The following SLC12A9 variants were observed in gnomAD, a reference collection of about 807,000 sequenced individuals.
The protein encoded by SLC12A9 is CCC-interacting protein 1.
Under a neutral mutation model 66.0 loss-of-function variants are expected in SLC12A9, and 55 were observed. The ratio of observed to expected loss-of-function variants is 0.83; its 90% CI spans 0.67 to 1.04. The LOEUF (loss-of-function observed/expected upper bound fraction) is 1.04. Ranked by LOEUF, SLC12A9 falls within the 50% of genes least tolerant of loss-of-function variation. SLC12A9 has a pLI of 0.00. For synonymous variants in SLC12A9, 577 were observed against 569.0 expected (o/e 1.01, Z -0.20); for missense variants, 1,061 against 1,241.9 (o/e 0.85, Z 2.19).
rs1815075910 is a variant in SLC12A9, at chr7:100,866,171, T to TGCCTGGGGCCTCGGGAGGC, written c.2321_2339dup (p.Ala781SerfsTer23). On this transcript the variant is annotated frameshift_variant, in exon 14 of 14. Transcript: ENST00000354161. LOFTEE classifies it high-confidence loss of function. This position sits in a 1 kb window ranked among gnomAD's most constrained non-coding sequence, Gnocchi z 7.3. ...TAGCGCCCGGCTCCGGATCTTCCTG[T>TGCCTGGGGCCTCGGGAGGC]GCCTGGGGCCTCGGGAGGCGCCTGG... The TGCCTGGGGCCTCGGGAGGC allele has an allele frequency of 6.2e-7, 1 of 1,611,566 alleles. No individual in the cohort carries two copies. Among genetic ancestry groups the TGCCTGGGGCCTCGGGAGGC allele is most frequent in the African/African-American group, 1.3e-5 (1 of 74,898 alleles).
rs753554861 is a variant in SLC12A9, at chr7:100,827,082, C to G, written n.228+35C>G. 3.2e-6 allele frequency: 5 copies of G among 1,544,630 alleles called. No individual in the cohort carries two copies. In the African/African-American group the frequency reaches 6.9e-5, roughly 21 times the overall value. On this transcript the variant is annotated intron_variant and non_coding_transcript_variant, in intron 1 of 1. Transcript: ENST00000461016. ...GAACTGAGTTTGGGGGGCCCTCGCC[C>G]CCCCAGGTCTGACTCTCCCTGGGCG...
intron 1 of SLC12A9, among the ~76,000 whole-genome samples, chr7:100,839,984 T>G (rs1387144242): frequency 1.3e-5 from 2 of 152,172 alleles, no homozygotes; most frequent in Non-Finnish European, 2.9e-5. Context: ...CCCACTGCAT[T>G]TAAGTGGAAG....
intron 1 of SLC12A9, among the ~76,000 whole-genome samples, chr7:100,844,712 A>G (rs1468409447): frequency 1.3e-5 from 2 of 152,134 alleles, no homozygotes; most frequent in African/African-American, 2.4e-5. Flanking sequence ...AGTAATAACC[A>G]ATCCCCTTGA....
At chr7:100,848,083 C>CAA (rs36071720), upstream of SLC12A9, among the ~76,000 whole-genome samples, 1,859 of 43,330 alleles carry the variant, frequency 0.043, 277 homozygotes, top group East Asian at 0.45. Context: ...GACTCCATCT[C>CAA]AAAAAAAAAA....
At chr7:100,837,029 C>T (rs565154197) in intron 1 of SLC12A9, among the ~76,000 whole-genome samples, 1 of 152,286 alleles carries the variant, frequency 6.6e-6, no homozygotes, top group African/African-American at 2.4e-5. Context: ...ACTCTGAGGT[C>T]ACCTAATAGG....
At chr7:100,851,403 ATAAC>A (rs143402030), upstream of SLC12A9, among the ~76,000 whole-genome samples, 263 of 151,956 alleles carry the variant, frequency 1.7e-3, no homozygotes, top group African/African-American at 6.1e-3. Flanking sequence ...GGGAGTGCTT[ATAAC>A]TAACTGACCC....
intron 9 of SLC12A9, 186 bp downstream of exon 9, chr7:100,860,418 G>A: frequency 3.1e-6 from 2 of 635,850 alleles, no homozygotes; most frequent in Non-Finnish European, 5.4e-6. Context: ...TTGCCCCAGT[G>A]CTTTGCAGAG....
Position 100,833,880 on chromosome 7 carries a change from C to G in SLC12A9, n.228+6833C>G, listed in dbSNP as rs1183414882. Among the ~76,000 whole-genome samples, 4 of 145,072 alleles carry G rather than the reference C, an allele frequency of 2.8e-5. No homozygotes were observed. The Admixed American group carries it at 2.8e-4, about 10-fold the overall frequency. ...CCCGGGAGGCGGAGCTTGCAGTGAA[C>G]CCAGATCACGCCACTGCACTCCAGC... On this transcript the variant is annotated intron_variant and non_coding_transcript_variant, in intron 1 of 1. Coordinates refer to the SLC12A9 transcript ENST00000461016.
chr7:100,828,571 A>G (rs1813476013), intron 1 of SLC12A9, among the ~76,000 whole-genome samples: 1 of 149,660 alleles, frequency 6.7e-6, no homozygotes, highest in African/African-American at 2.5e-5. Context: ...AAAAAAAAAA[A>G]AAAAGGTGGG....
In SLC12A9 at chr7:100,858,870, A is replaced by G; in HGVS notation, c.793A>G (p.Met265Val). 1.2e-6 allele frequency: 2 copies of G among 1,614,200 alleles called. No homozygotes were observed. The highest frequency in any genetic ancestry group is 1.7e-6 in the Non-Finnish European group (2 of 1,180,024). ...TGAGGACTACACCACGGGAGCCGTG[A>G]TGAATTTTGCCAGCGTCTTTGCTGT... ...YAEDYTTGAV[M>V]NFASVFAVLF... The change falls in exon 6 of 14, where the codon ATG becomes GTG. Residue 265 changes from methionine (M) to valine (V), a missense_variant. By Grantham distance (21) the Met-to-Val change is conservative (BLOSUM62 1). Transcript: ENST00000354161.
At chr7:100,829,896 C>T (rs1562978308) in intron 1 of SLC12A9, among the ~76,000 whole-genome samples, 1 of 151,546 alleles carries the variant, frequency 6.6e-6, no homozygotes, top group East Asian at 1.9e-4. Flanking sequence ...GGCATCATGG[C>T]ACACACCTGT....
upstream of SLC12A9, among the ~76,000 whole-genome samples, chr7:100,851,555 C>G (rs943588716): frequency 3.3e-5 from 5 of 151,056 alleles, no homozygotes; most frequent in Non-Finnish European, 7.4e-5. Context: ...TCCTAAGTAG[C>G]TGGGACTGCA....
chr7:100,835,089 C>T (rs1813623129), intron 1 of SLC12A9, among the ~76,000 whole-genome samples: 2 of 152,200 alleles, frequency 1.3e-5, no homozygotes, highest in Admixed American at 1.3e-4. Flanking sequence ...GGTGCAGTGG[C>T]TCACGCCTGT....
intron 13 of SLC12A9, 123 bp downstream of exon 13, chr7:100,862,950 G>A: frequency 1.7e-6 from 2 of 1,178,492 alleles, no homozygotes; most frequent in Non-Finnish European, 1.2e-6. Flanking sequence ...GTCGAGAGGA[G>A]ATAAGACAGT....
rs765489934 is a variant in SLC12A9, at chr7:100,861,210, G to A, written c.1291G>A (p.Ala431Thr). 3.7e-6 allele frequency: 6 copies of A among 1,614,230 alleles called. No homozygotes were observed. The highest frequency in any genetic ancestry group is 4.2e-6 in the Non-Finnish European group (5 of 1,180,040). The stretch of plus-strand genomic sequence containing the variant: ...TGTCTTCTACCTGGTGGCCTATGCT[G>A]CCGTGGACCTGTCCTGCCTGAGCCT... ...VTVFYLVAYA[A>T]VDLSCLSLEW... Residue 431 changes from alanine (A) to threonine (T), a missense_variant, in exon 10 of 14, where the codon GCC becomes ACC. Ala to Thr is a moderately conservative substitution (Grantham distance 58). Coordinates refer to ENST00000354161, the MANE Select transcript of SLC12A9 (RefSeq NM_020246.4). The surrounding 1 kb of genome is among the most constrained non-coding windows in gnomAD (Gnocchi z 5.3).
chr7:100,857,976 G>A (rs1814496141), intron 5 of SLC12A9: 1 of 151,788 alleles, frequency 6.6e-6, no homozygotes, highest in African/African-American at 2.4e-5. Context: ...ATTAGCCAGG[G>A]GTGGTGGTGC....
chr7:100,830,054 A>C (rs1813512414), intron 1 of SLC12A9, among the ~76,000 whole-genome samples: 1 of 150,684 alleles, frequency 6.6e-6, no homozygotes, highest in Non-Finnish European at 1.5e-5. Flanking sequence ...TAAATAAATA[A>C]GTAAATAAAT....
Position 100,854,666 on chromosome 7 carries a change from G to A in SLC12A9, c.228G>A (p.Leu76=). ...GGCTACTGCAGGCCCTGGCCATGCT[G>A]CTGGTTGCCTACTTCATCCTGGCAC... ...HAGLLQALAM[L]LVAYFILALT... is the part of the protein sequence containing the mutation. Residue 76 remains leucine (L), a synonymous_variant, in exon 3 of 14, where the codon CTG becomes CTA. Transcript: ENST00000354161. 1 of 1,614,084 alleles carries A rather than the reference G, an allele frequency of 6.2e-7. No individual in the cohort carries two copies. The highest frequency in any genetic ancestry group is 2.2e-5 in the East Asian group (1 of 44,866).
At chr7:100,846,631 A>G (rs988855040) in intron 1 of SLC12A9, among the ~76,000 whole-genome samples, 1 of 152,140 alleles carries the variant, frequency 6.6e-6, no homozygotes, top group African/African-American at 2.4e-5. Flanking sequence ...AGTGTACTAT[A>G]TGAATCACTA....
Sources: allele counts gnomAD v4.1 joint callset (sites outside exome capture counted in the v4.1 genomes callset), GRCh38; gene constraint gnomAD v4.1.1; non-coding constraint Gnocchi (gnomAD v3.1); transcripts MANE v1.5; gene names NCBI Gene and HGNC (gene_info 2026-07-23, HGNC 2026-07-21).